Variants in IL1RAPL2 observed in about 807,000 individuals in gnomAD.
IL1RAPL2 encodes the protein interleukin 1 receptor accessory protein like 2.
IL1RAPL2 carries 3 observed loss-of-function variants against 44.1 expected under a neutral mutation model. The observed-to-expected ratio is 0.07, with a 90% CI of 0.03 to 0.18. IL1RAPL2 has a LOEUF of 0.18. Among genes scored for constraint, IL1RAPL2 ranks in the 10% least tolerant of loss-of-function variants. The pLI is 1.00. For synonymous variants in IL1RAPL2, 181 were observed against 178.8 expected (o/e 1.01, Z -0.10); for missense variants, 391 against 496.4 (o/e 0.79, Z 2.02).
intron 6 of IL1RAPL2, among the ~76,000 whole-genome samples, chrX:105,608,029 A>C (rs908398423): frequency 9.0e-6 from 1 of 111,417 alleles, no homozygotes; most frequent in Non-Finnish European, 1.9e-5. Context: ...ATTAGTCAGA[A>C]GAAGCTTTAT....
intron 3 of IL1RAPL2, 21 bp from the exon 4 acceptor site, chrX:105,233,797 G>A (rs782232010): frequency 1.7e-6 from 2 of 1,170,405 alleles, no homozygotes. Context: ...AAGCCATTTT[G>A]TTATTTCTCT....
intron 2 of IL1RAPL2, among the ~76,000 whole-genome samples, chrX:104,941,282 T>A (rs1253759746): frequency 2.7e-5 from 3 of 111,592 alleles, no homozygotes; most frequent in Non-Finnish European, 3.8e-5. Flanking sequence ...CGCCACACTG[T>A]CTTCCACAAT....
At chrX:105,426,576 T>G (rs2147748469) in intron 5 of IL1RAPL2, among the ~76,000 whole-genome samples, 1 of 111,818 alleles carries the variant, frequency 8.9e-6, no homozygotes, top group South Asian at 3.7e-4. Context: ...TTTTTTGTAA[T>G]TTATAATTCT....
At chrX:104,905,849 T>C (rs1285398914) in intron 2 of IL1RAPL2, among the ~76,000 whole-genome samples, 1 of 110,943 alleles carries the variant, frequency 9.0e-6, no homozygotes, top group Non-Finnish European at 1.9e-5. Flanking sequence ...AGAAAGTCAT[T>C]GGTAGCTTGA....
chrX:105,546,988 T>C lies in IL1RAPL2; in HGVS notation c.772+62601T>C, dbSNP rs191239867. 2.7e-5 allele frequency among the ~76,000 whole-genome samples: 3 copies of C among 111,759 alleles called. No homozygotes were observed. The East Asian group carries it at 8.4e-4, about 31-fold the overall frequency. On this transcript the variant is annotated intron_variant, in intron 6 of 10. Transcript: ENST00000372582. Reference sequence around the variant, plus strand: ...TTTGAAAGAGGCAGCATACGGCAGTTAATTTTCTCCTCCAGTCCCTCGTGC... The same window carrying C: ...TTTGAAAGAGGCAGCATACGGCAGTCAATTTTCTCCTCCAGTCCCTCGTGC...
intron 2 of IL1RAPL2, among the ~76,000 whole-genome samples, chrX:105,031,072 G>T (rs2031483979): frequency 9.1e-6 from 1 of 110,026 alleles, no homozygotes; most frequent in East Asian, 2.9e-4. Flanking sequence ...AAGAATGCTT[G>T]TGATTTTTGC....
At chrX:105,097,444 C>G (rs1195883930) in intron 2 of IL1RAPL2, among the ~76,000 whole-genome samples, 1 of 108,784 alleles carries the variant, frequency 9.2e-6, no homozygotes, top group Admixed American at 9.8e-5. Flanking sequence ...CAGAAATTAG[C>G]AAGGGTGTCT....
At chrX:105,220,482 C>T (rs868955037) in intron 3 of IL1RAPL2, 2 of 872,509 alleles carry the variant, frequency 2.3e-6, no homozygotes, top group African/African-American at 4.1e-5. Context: ...AGCCCCTCCC[C>T]TCATCCATCT....
At chrX:105,233,059 G>A (rs914636347) in intron 3 of IL1RAPL2, among the ~76,000 whole-genome samples, 14 of 111,840 alleles carry the variant, frequency 1.3e-4, no homozygotes, top group Non-Finnish European at 2.4e-4. Context: ...CGAGGCGGGC[G>A]GATCACGAGG....
At chrX:104,808,432 C>A (rs1932939697) in intron 2 of IL1RAPL2, among the ~76,000 whole-genome samples, 1 of 111,577 alleles carries the variant, frequency 9.0e-6, no homozygotes, top group Admixed American at 9.6e-5. Flanking sequence ...GAATGGCAGG[C>A]AAAGGACCTT....
Position 104,848,550 on chromosome X carries a change from T to C in IL1RAPL2, c.82+189555T>C, listed in dbSNP as rs770470050. 7.6e-5 allele frequency among the ~76,000 whole-genome samples: 8 copies of C among 105,869 alleles called. No homozygotes were observed. In the East Asian group the frequency reaches 2.4e-3, roughly 31 times the overall value. 91.9% of individuals were successfully genotyped at this position (105,869 alleles called of 115,157 possible). A position where few individuals can be genotyped will look rare whatever the true frequency, so the allele number is the denominator to read the frequency against. On this transcript the variant is annotated intron_variant, in intron 2 of 10. Coordinates refer to ENST00000372582, the MANE Select transcript of IL1RAPL2 (RefSeq NM_017416.2). ...TAAATAACCTGAATTTAGACAAAAT[T>C]ACTTTCTAAATAAATAACCCATTTT...
At chrX:104,720,011 T>A (rs756557390) in intron 2 of IL1RAPL2, among the ~76,000 whole-genome samples, 1 of 111,537 alleles carries the variant, frequency 9.0e-6, no homozygotes, top group South Asian at 3.7e-4. Context: ...AATAAATATG[T>A]TGTTAGGGGA....
intron 6 of IL1RAPL2, among the ~76,000 whole-genome samples, chrX:105,523,289 G>A (rs1197057684): frequency 2.7e-5 from 3 of 111,398 alleles, no homozygotes; most frequent in African/African-American, 6.5e-5. Flanking sequence ...TGAAATCCTG[G>A]TTCCACCATT....
chrX:105,078,439 C>T (rs1328556576), intron 2 of IL1RAPL2, among the ~76,000 whole-genome samples: 1 of 111,597 alleles, frequency 9.0e-6, no homozygotes, highest in Non-Finnish European at 1.9e-5. Flanking sequence ...GTCAGTCCGC[C>T]CCTACTTGGG....
chrX:105,660,036 G>C (rs1391370593), intron 6 of IL1RAPL2, among the ~76,000 whole-genome samples: 1 of 111,294 alleles, frequency 9.0e-6, no homozygotes, highest in Non-Finnish European at 1.9e-5. Flanking sequence ...AAAGGTTATA[G>C]AACACCAGGT....
At chrX:105,249,481 AAAAT>A (rs1183337400) in intron 4 of IL1RAPL2, among the ~76,000 whole-genome samples, 2 of 111,843 alleles carry the variant, frequency 1.8e-5, no homozygotes, top group African/African-American at 6.5e-5. Flanking sequence ...TTTCCATTTT[AAAAT>A]AAAAAGTACA....
chrX:105,681,035 A>G (rs1461613950), intron 6 of IL1RAPL2, among the ~76,000 whole-genome samples: 1 of 111,895 alleles, frequency 8.9e-6, no homozygotes, highest in Non-Finnish European at 1.9e-5. Flanking sequence ...AGCAAGGCCT[A>G]TCTGTTCAGA....
At chrX:104,727,997 T>A (rs932680160) in intron 2 of IL1RAPL2, among the ~76,000 whole-genome samples, 2 of 110,464 alleles carry the variant, frequency 1.8e-5, no homozygotes, top group Admixed American at 9.7e-5. Flanking sequence ...ACTTAATGGG[T>A]AGAATGTTCA....
intron 2 of IL1RAPL2, among the ~76,000 whole-genome samples, chrX:104,949,335 GTCTA>G (rs1925498190): frequency 9.0e-6 from 1 of 111,277 alleles, no homozygotes; most frequent in African/African-American, 3.3e-5. Flanking sequence ...CTTGCTAGCA[GTCTA>G]TCTATTTTGT....
Sources: gnomAD v4.1 joint callset for allele counts (sites outside exome capture counted in the v4.1 genomes callset) on GRCh38, gnomAD v4.1.1 for gene constraint, MANE v1.5 for transcripts, NCBI Gene and HGNC (gene_info 2026-07-23, HGNC 2026-07-21) for gene names.